The following IL7R variants were observed in gnomAD, a reference collection of about 807,000 sequenced individuals.
IL7R encodes interleukin-7 receptor subunit alpha.
In IL7R, 38 loss-of-function variants were observed where a neutral mutation model predicts 47.0. The ratio of observed to expected loss-of-function variants is 0.81; its 90% CI spans 0.62 to 1.06. The LOEUF is 1.06. IL7R is among the 50% of genes least tolerant of loss of function. IL7R has a pLI of 0.00. For missense variants in IL7R, 633 were observed against 534.8 expected (o/e 1.18, Z -1.81); for synonymous variants, 221 against 199.8 (o/e 1.11, Z -0.89).
intron 1 of IL7R, among the ~76,000 whole-genome samples, chr5:35,859,317 G>A (rs1418316031): frequency 6.6e-6 from 1 of 152,178 alleles, no homozygotes; most frequent in East Asian, 1.9e-4. Flanking sequence ...TCTGTGTATA[G>A]AATTGGTGGA....
rs147728517 is a variant in IL7R, at chr5:35,875,662, G to A, written c.876+75G>A. 16 of 1,120,270 alleles carry A rather than the reference G, an allele frequency of 1.4e-5. No individual in the cohort carries two copies. The African/African-American group carries it at 2.0e-4, about 14-fold the overall frequency. 69.4% of individuals were successfully genotyped at this position (1,120,270 alleles called of 1,614,324 possible). A position where few individuals can be genotyped will look rare whatever the true frequency, so the allele number is the denominator to read the frequency against. ...GCCAAGAATGATATTCCAGGACAAG[G>A]AACAGTTGAACCTCACCTTTTGGTA... On this transcript the variant is annotated intron_variant, in intron 7 of 7. Transcript: ENST00000303115.
intron 1 of IL7R, among the ~76,000 whole-genome samples, chr5:35,859,996 T>C (rs986421293): frequency 4.6e-5 from 7 of 151,990 alleles, no homozygotes; most frequent in East Asian, 3.9e-4. Context: ...TAGATTTCAT[T>C]ATAGGGTCTA....
At chr5:35,867,190 C>A in intron 2 of IL7R, 116 bp from the exon 3 acceptor site, 1 of 897,198 alleles carries the variant, frequency 1.1e-6, no homozygotes, top group Non-Finnish European at 1.8e-6. Context: ...CTCACCCACC[C>A]ACATACCTAT....
rs773614197 is a variant in IL7R at position 35,875,522 on chromosome 5, A to G, written c.811A>G (p.Ile271Val). Residue 271 changes from isoleucine (I) to valine (V), a missense_variant, in exon 7 of 8, where the codon ATC becomes GTC. Ile to Val is a conservative substitution (Grantham distance 29, BLOSUM62 3). Transcript: ENST00000303115. ...CVLWKKRIKPIVWPSLPDHKK... is the reference protein window; with the variant it reads ...CVLWKKRIKPVVWPSLPDHKK... ...GTTCTCTGATTTCAGGATTAAGCCT[A>G]TCGTATGGCCCAGTCTCCCCGATCA... is the stretch of plus-strand genomic sequence containing the variant. The G allele has an allele frequency of 5.0e-6, 8 of 1,610,880 alleles. No individual in the cohort carries two copies. In the South Asian group the frequency reaches 5.5e-5, roughly 11 times the overall value.
At chr5:35,868,024 A>G (rs1477207561) in intron 3 of IL7R, among the ~76,000 whole-genome samples, 1 of 152,214 alleles carries the variant, frequency 6.6e-6, no homozygotes, top group African/African-American at 2.4e-5. Flanking sequence ...GCAAAAATCC[A>G]TAAGGCAAGC....
rs995842025 is a variant in IL7R, at chr5:35,858,780, A to G, written c.82+1721A>G. 5.9e-5 allele frequency among the ~76,000 whole-genome samples: 9 copies of G among 152,198 alleles called. No individual in the cohort carries two copies. The East Asian group carries it at 1.7e-3, about 29-fold the overall frequency. ...CCCTATTAAATCCTTACTGTGTTCT[A>G]AGCTACCTCTTTGTAAATATCCATT... On this transcript the variant is annotated intron_variant, in intron 1 of 7. Transcript: ENST00000303115.
intron 1 of IL7R, among the ~76,000 whole-genome samples, chr5:35,858,139 A>G (rs758602761): frequency 6.6e-6 from 1 of 152,184 alleles, no homozygotes; most frequent in Non-Finnish European, 1.5e-5. Flanking sequence ...CTTTCATGTC[A>G]TCTATACTCA....
rs11567777 is a variant in IL7R at position 35,875,398 on chromosome 5, A to T, written c.801-114A>T. On this transcript the variant is annotated intron_variant, in intron 6 of 7. Transcript: ENST00000303115. ...CCATGGTCACCCACCTAATTGTGTTAGAGCCAAGACTAGAAATCTGTTCTT... is the reference window on the plus strand; with the variant it reads ...CCATGGTCACCCACCTAATTGTGTTTGAGCCAAGACTAGAAATCTGTTCTT... 4.6e-3 allele frequency: 3,680 copies of T among 798,192 alleles called. 13 individuals carry two copies. The highest frequency in any genetic ancestry group is 7.9e-3 in the Middle Eastern group (35 of 4,454). 49.4% of individuals were successfully genotyped at this position (798,192 alleles called of 1,614,324 possible).
rs1230012813 is a variant in IL7R at position 35,876,286 on chromosome 5, G to A, written c.1180G>A (p.Gly394Ser). 8 of 1,614,040 alleles carry A rather than the reference G, an allele frequency of 5.0e-6. No individual in the cohort carries two copies. Among genetic ancestry groups the A allele is most frequent in the Non-Finnish European group, 6.8e-6 (8 of 1,179,948 alleles). ...SSRSLDCRES[G>S]KNGPHVYQDL... ...CAGGTCCCTAGACTGCAGGGAGAGTGGCAAGAATGGGCCTCATGTGTACCA... is the reference window on the plus strand; with the variant it reads ...CAGGTCCCTAGACTGCAGGGAGAGTAGCAAGAATGGGCCTCATGTGTACCA... The change falls in exon 8 of 8, where the codon GGC becomes AGC. Residue 394 changes from glycine (G) to serine (S), a missense_variant. Gly to Ser is a moderately conservative substitution (Grantham distance 56, BLOSUM62 0). Coordinates refer to ENST00000303115, the MANE Select transcript of IL7R (RefSeq NM_002185.5).
At chr5:35,859,730 G>A (rs545045049) in intron 1 of IL7R, among the ~76,000 whole-genome samples, 4 of 152,128 alleles carry the variant, frequency 2.6e-5, no homozygotes, top group African/African-American at 4.8e-5. Context: ...AGTGCTATTC[G>A]GACAGCCCTT....
chr5:35,865,058 C>T (rs11567722), intron 2 of IL7R, among the ~76,000 whole-genome samples: 19,837 of 151,948 alleles, frequency 0.13, 1,304 homozygotes, highest in East Asian at 0.14. Flanking sequence ...TGTGCTGCAC[C>T]GATTAACTCG....
chr5:35,875,889 G>A (rs1477659727), intron 7 of IL7R, 94 bp from the exon 8 acceptor site: 3 of 1,360,230 alleles, frequency 2.2e-6, no homozygotes, highest in East Asian at 4.6e-5. Flanking sequence ...GACATTCCCT[G>A]TCAGAAAACT....
chr5:35,863,364 C>A (rs1759866201), intron 2 of IL7R, among the ~76,000 whole-genome samples: 1 of 152,136 alleles, frequency 6.6e-6, no homozygotes, highest in African/African-American at 2.4e-5. Context: ...CTCTCCCCTG[C>A]ATTTAACCTC....
In IL7R at chr5:35,878,443, T is replaced by C; in HGVS notation, c.*1957T>C. On this transcript the variant is annotated 3_prime_UTR_variant, in exon 8 of 8. Coordinates refer to ENST00000303115, the MANE Select transcript of IL7R (RefSeq NM_002185.5). ...CTGCTTGGTAAACAAATTATTATTA[T>C]ATTATAAAATGCTATAAAAGAGCCA... 4.3e-6 allele frequency: 1 copy of C among 232,948 alleles called. No individual in the cohort carries two copies. The highest frequency in any genetic ancestry group is 8.5e-6 in the Non-Finnish European group (1 of 117,858). The allele number at this position is 232,948 out of a possible 1,614,324, so 14.4% of individuals were successfully genotyped here.
At chr5:35,860,810 T>C in intron 1 of IL7R, 42 bp from the exon 2 acceptor site, 3 of 1,604,486 alleles carry the variant, frequency 1.9e-6, no homozygotes, top group East Asian at 2.2e-5. Flanking sequence ...AAAGGATGCA[T>C]TTATTTGTTT....
chr5:35,868,208 G>A (rs983691838), intron 3 of IL7R, among the ~76,000 whole-genome samples: 5 of 152,084 alleles, frequency 3.3e-5, no homozygotes, highest in African/African-American at 7.2e-5. Flanking sequence ...ACCACATCAC[G>A]GAAGGCAATC....
At chr5:35,857,354 ATGCT>A (rs1429550757) in intron 1 of IL7R, among the ~76,000 whole-genome samples, 14 of 152,144 alleles carry the variant, frequency 9.2e-5, no homozygotes, top group Non-Finnish European at 1.8e-4. Context: ...GCTCATGTAG[ATGCT>A]ATGACTGTAC....
intron 7 of IL7R, 28 bp downstream of exon 7, chr5:35,875,615 T>C: frequency 6.6e-7 from 1 of 1,524,272 alleles, no homozygotes; most frequent in Non-Finnish European, 9.1e-7. Context: ...TTAAAAAGTG[T>C]TGTGTTGGCA....
rs896049659 is a variant in IL7R at position 35,860,161 on chromosome 5, G to A, written c.83-691G>A. On this transcript the variant is annotated intron_variant, in intron 1 of 7. Transcript: ENST00000303115. ...TATAGAAGAATCTATAAGAACAGAA[G>A]CAGTATGTACAACATTCACAGGAAG... is the stretch of plus-strand genomic sequence containing the variant. Among the ~76,000 whole-genome samples the A allele has an allele frequency of 3.3e-5, 5 of 152,102 alleles. No individual in the cohort carries two copies. In the East Asian group the frequency reaches 9.6e-4, roughly 29 times the overall value.
Sources: gnomAD v4.1 joint callset for allele counts (sites outside exome capture counted in the v4.1 genomes callset) on GRCh38, gnomAD v4.1.1 for gene constraint, MANE v1.5 for transcripts, NCBI Gene and HGNC (gene_info 2026-07-23, HGNC 2026-07-21) for gene names.